Variants in CNTN3 observed in about 807,000 individuals in gnomAD.
The protein encoded by CNTN3 is contactin-3.
A neutral mutation model predicts 119.1 loss-of-function variants in CNTN3; 60 were observed. That is an observed-to-expected ratio of 0.50 (90% CI 0.41 to 0.62). The LOEUF (loss-of-function observed/expected upper bound fraction) is 0.62. Among genes scored for constraint, CNTN3 ranks in the 20% least tolerant of loss-of-function variants. The pLI is 0.00. For synonymous variants in CNTN3, 450 were observed against 438.7 expected, an observed-to-expected ratio of 1.03 and a Z score of -0.32; for missense variants, 1,101 against 1,242.4, an observed-to-expected ratio of 0.89 and a Z score of 1.71.
At chr3:74,432,776 A>T (rs554449664) in intron 4 of CNTN3, among the ~76,000 whole-genome samples, 1 of 152,274 alleles carries the variant, frequency 6.6e-6, no homozygotes, top group Admixed American at 6.5e-5. Flanking sequence ...CTATTTCCCA[A>T]CACCCAAATT....
intron 2 of CNTN3, among the ~76,000 whole-genome samples, chr3:74,509,418 C>G (rs1292392413): frequency 6.6e-6 from 1 of 151,652 alleles, no homozygotes; most frequent in Admixed American, 6.6e-5. Flanking sequence ...CTGCCTCAGC[C>G]TCCTGAGTAT....
intron 5 of CNTN3, among the ~76,000 whole-genome samples, chr3:74,393,499 G>A (rs1704966590): frequency 6.6e-6 from 1 of 152,132 alleles, no homozygotes; most frequent in Non-Finnish European, 1.5e-5. Context: ...CTTTCTTGAT[G>A]ATTTGCAGAG....
chr3:74,331,944 C>T (rs1340793017), intron 13 of CNTN3, among the ~76,000 whole-genome samples: 1 of 152,082 alleles, frequency 6.6e-6, no homozygotes, highest in Non-Finnish European at 1.5e-5. Flanking sequence ...TCCAAAAGGC[C>T]TGTGTTTTTT....
chr3:74,311,861 G>T (rs1193031854), intron 13 of CNTN3, among the ~76,000 whole-genome samples: 2 of 152,184 alleles, frequency 1.3e-5, no homozygotes, highest in African/African-American at 2.4e-5. Flanking sequence ...AGACAGACAG[G>T]TGGATACAGA....
At chr3:74,294,117 T>C in intron 19 of CNTN3, among the ~76,000 whole-genome samples, 1 of 152,162 alleles carries the variant, frequency 6.6e-6, no homozygotes, top group African/African-American at 2.4e-5. Context: ...CCTGCCTGTG[T>C]AAGCCTGCCA....
chr3:74,607,346 G>A (rs1705010140), intron 1 of CNTN3, among the ~76,000 whole-genome samples: 1 of 152,094 alleles, frequency 6.6e-6, no homozygotes, highest in South Asian at 2.1e-4. Flanking sequence ...TATATTGTTC[G>A]GGTTGATTTT....
intron 1 of CNTN3, among the ~76,000 whole-genome samples, chr3:74,544,030 T>C (rs1333230708): frequency 1.3e-5 from 2 of 152,206 alleles, no homozygotes; most frequent in African/African-American, 2.4e-5. Flanking sequence ...CAATCTGCAA[T>C]GGAGGAGTTT....
chr3:74,298,644 C>G (rs1475510537), intron 17 of CNTN3, among the ~76,000 whole-genome samples: 1 of 150,324 alleles, frequency 6.7e-6, no homozygotes, highest in Non-Finnish European at 1.5e-5. Context: ...CGCCTGTAAT[C>G]CCAGCACTTT....
intron 2 of CNTN3, among the ~76,000 whole-genome samples, chr3:74,511,042 C>T (rs1299577952): frequency 2.0e-5 from 3 of 152,050 alleles, no homozygotes; most frequent in Admixed American, 6.6e-5. Context: ...CAGAGCTGCA[C>T]GATGGTGGCT....
chr3:74,317,680 G>A (rs1326539884), intron 13 of CNTN3, among the ~76,000 whole-genome samples: 2 of 152,112 alleles, frequency 1.3e-5, no homozygotes. Context: ...CTATCTTCTG[G>A]CTTGTAGAGT....
intron 1 of CNTN3, among the ~76,000 whole-genome samples, chr3:74,567,543 A>C (rs1704246750): frequency 6.6e-6 from 1 of 152,066 alleles, no homozygotes. Context: ...TGTGTGATAC[A>C]TACCACTTTA....
At chr3:74,558,147 C>T (rs373895752) in intron 1 of CNTN3, among the ~76,000 whole-genome samples, 1 of 152,122 alleles carries the variant, frequency 6.6e-6, no homozygotes, top group Non-Finnish European at 1.5e-5. Flanking sequence ...ATATGAAAGC[C>T]CAGTCCCCTG....
chr3:74,277,104 A>T (rs1245440871), intron 20 of CNTN3, among the ~76,000 whole-genome samples: 2 of 152,194 alleles, frequency 1.3e-5, no homozygotes, highest in Non-Finnish European at 2.9e-5. Flanking sequence ...TACCCTGAAC[A>T]GACCAATAAC....
At chr3:74,453,301 C>T (rs1392581794) in intron 4 of CNTN3, among the ~76,000 whole-genome samples, 3 of 152,192 alleles carry the variant, frequency 2.0e-5, no homozygotes, top group South Asian at 2.1e-4. Flanking sequence ...AGTTTACTTG[C>T]GAAGAGGTGT....
At chr3:74,594,295 T>TTTTTTTTTA (rs1559672251) in intron 1 of CNTN3, among the ~76,000 whole-genome samples, 1 of 145,924 alleles carries the variant, frequency 6.9e-6, no homozygotes, top group African/African-American at 2.5e-5. Context: ...TTTTTTACTT[T>TTTTTTTTTA]TTTTTTAATT....
chr3:74,507,828 C>T, intron 2 of CNTN3, among the ~76,000 whole-genome samples: 1 of 151,758 alleles, frequency 6.6e-6, no homozygotes. Context: ...GACTGGGTTT[C>T]CCTGTGTTGC....
At chr3:74,454,617 T>C (rs1269660079) in intron 4 of CNTN3, among the ~76,000 whole-genome samples, 1 of 152,164 alleles carries the variant, frequency 6.6e-6, no homozygotes, top group East Asian at 1.9e-4. Context: ...CAGTGGTCTT[T>C]ACATTTTGGC....
intron 13 of CNTN3, among the ~76,000 whole-genome samples, chr3:74,331,853 T>C (rs1424533152): frequency 6.6e-6 from 1 of 152,214 alleles, no homozygotes; most frequent in Non-Finnish European, 1.5e-5. Context: ...ACTGGTGTCA[T>C]CATGCTCCTT....
At chr3:74,477,111 A>G (rs1358134059) in intron 4 of CNTN3, among the ~76,000 whole-genome samples, 2 of 152,132 alleles carry the variant, frequency 1.3e-5, no homozygotes, top group Non-Finnish European at 2.9e-5. Flanking sequence ...TGATAATCGC[A>G]TGCATTATGT....
Sources: allele counts gnomAD v4.1 joint callset (sites outside exome capture counted in the v4.1 genomes callset), GRCh38; gene constraint gnomAD v4.1.1; transcripts MANE v1.5; gene names NCBI Gene and HGNC (gene_info 2026-07-23, HGNC 2026-07-21).